The following KDM3B variants were observed in gnomAD, a reference collection of about 807,000 sequenced individuals.
The protein encoded by KDM3B is lysine demethylase 3B, also known as lysine-specific demethylase 3B.
In KDM3B, 10 loss-of-function variants were observed where a neutral mutation model predicts 170.0. The observed-to-expected ratio is 0.06, with a 90% CI of 0.04 to 0.10. The LOEUF (loss-of-function observed/expected upper bound fraction) is 0.10. Ranked by LOEUF, KDM3B falls within the 10% of genes least tolerant of loss-of-function variation. The pLI is 1.00. For missense variants in KDM3B, 1,394 were observed against 2,195.2 expected (o/e 0.64, Z 7.29); for synonymous variants, 831 against 834.8 (o/e 1.00, Z 0.08).
intron 16 of KDM3B, among the ~76,000 whole-genome samples, 157 bp downstream of exon 16, chr5:138,424,498 A>C (rs765973416): frequency 3.3e-5 from 5 of 152,200 alleles, no homozygotes; most frequent in Non-Finnish European, 7.3e-5. Context: ...TTTTAAAAGC[A>C]AGGAGATGGC....
intron 1 of KDM3B, among the ~76,000 whole-genome samples, chr5:138,353,500 C>T (rs1258519079): frequency 1.3e-5 from 2 of 152,178 alleles, no homozygotes; most frequent in African/African-American, 4.8e-5. Flanking sequence ...GCTTTTTTAT[C>T]TGGCAGTTAC....
intron 17 of KDM3B, among the ~76,000 whole-genome samples, chr5:138,426,131 A>T (rs1763384923): frequency 6.6e-6 from 1 of 152,234 alleles, no homozygotes; most frequent in South Asian, 2.1e-4. Flanking sequence ...TAATCATGTG[A>T]TTCCATGGGC....
intron 11 of KDM3B, 51 bp from the exon 12 acceptor site, chr5:138,415,081 G>A (rs747515874): frequency 7.9e-7 from 1 of 1,272,062 alleles, no homozygotes; most frequent in South Asian, 1.4e-5. Context: ...TCACTGAGAA[G>A]GATCCATTTT....
At chr5:138,360,409 C>A (rs1761565763) in intron 1 of KDM3B, among the ~76,000 whole-genome samples, 1 of 152,090 alleles carries the variant, frequency 6.6e-6, no homozygotes, top group South Asian at 2.1e-4. Context: ...TCTAAGCACA[C>A]TCATCATCTT....
At chr5:138,406,776 T>C (rs12514133) in intron 11 of KDM3B, among the ~76,000 whole-genome samples, 45,216 of 151,748 alleles carry the variant, frequency 0.3, 7,582 homozygotes, top group East Asian at 0.57. Flanking sequence ...ATGAGAGATG[T>C]AGGCACAGTG....
chr5:138,411,088 T>C (rs1762956205), intron 11 of KDM3B, among the ~76,000 whole-genome samples: 1 of 152,076 alleles, frequency 6.6e-6, no homozygotes, highest in Non-Finnish European at 1.5e-5. Context: ...GGAGACTCCC[T>C]TTCCTGGTCT....
chr5:138,380,392 CTT>C (rs987995432), intron 5 of KDM3B, among the ~76,000 whole-genome samples: 26 of 149,694 alleles, frequency 1.7e-4, no homozygotes, highest in African/African-American at 6.1e-4. Context: ...ATAAGTCACA[CTT>C]TAGTAACAAA....
intron 16 of KDM3B, 53 bp from the exon 17 acceptor site, chr5:138,425,358 G>A: frequency 1.9e-6 from 3 of 1,572,042 alleles, no homozygotes; most frequent in Non-Finnish European, 2.6e-6. Context: ...CTCAGCCCTA[G>A]AGCTGGAAGT....
Position 138,398,280 on chromosome 5 carries a change from A to T in KDM3B, c.2934A>T (p.Leu978=), listed in dbSNP as rs1374895515. ...AMNLWIPSSS[L]AEGIDLETSK... ...ACCTGTGGATTCCCTCTTCCTCCCTAGCAGAAGGGATAGATCTAGAGACCT... is the reference window on the plus strand; with the variant it reads ...ACCTGTGGATTCCCTCTTCCTCCCTTGCAGAAGGGATAGATCTAGAGACCT... Residue 978 remains leucine, a synonymous_variant, in exon 10 of 24, where the codon CTA becomes CTT. Transcript: ENST00000314358. 6.2e-7 allele frequency: 1 copy of T among 1,614,056 alleles called. No individual in the cohort carries two copies.
intron 1 of KDM3B, among the ~76,000 whole-genome samples, chr5:138,353,751 G>A (rs774186366): frequency 3.3e-5 from 5 of 152,144 alleles, no homozygotes; most frequent in Non-Finnish European, 7.3e-5. Context: ...CTTTGTGTTT[G>A]GGCTTGGCCC....
At chr5:138,401,832 T>G (rs1451015662) in intron 11 of KDM3B, among the ~76,000 whole-genome samples, 1 of 152,224 alleles carries the variant, frequency 6.6e-6, no homozygotes, top group Non-Finnish European at 1.5e-5. Context: ...TGACGTAGTA[T>G]CTGATTGTGT....
intron 17 of KDM3B, 110 bp from the exon 18 acceptor site, chr5:138,426,862 CAAA>C (rs60899302): frequency 0.019 from 10,028 of 537,528 alleles, 1 homozygote; most frequent in East Asian, 0.024. Context: ...GACTCTGTCT[CAAA>C]AAAAAAAAAA....
chr5:138,418,075 G>GTTTTTTTTTTTTTTTTT (rs34275336), intron 13 of KDM3B: 1 of 96,798 alleles, frequency 1.0e-5, no homozygotes, highest in Non-Finnish European at 2.0e-5. Flanking sequence ...TTTGGTTTTG[G>GTTTTTTTTTTTTTTTTT]TTTTTTTTTT....
At chr5:138,408,563 G>A (rs1045800188) in intron 11 of KDM3B, among the ~76,000 whole-genome samples, 2 of 152,036 alleles carry the variant, frequency 1.3e-5, no homozygotes, top group Admixed American at 6.6e-5. Flanking sequence ...TTACCAGCTC[G>A]TTTTATGAAG....
At chr5:138,430,750 C>T (rs958210394) in intron 22 of KDM3B, among the ~76,000 whole-genome samples, 4 of 152,160 alleles carry the variant, frequency 2.6e-5, no homozygotes, top group Middle Eastern at 3.4e-3. Context: ...ATTAGGCAGG[C>T]ATGGTGGCAC....
intron 1 of KDM3B, among the ~76,000 whole-genome samples, chr5:138,368,695 T>C (rs547136769): frequency 2.6e-4 from 40 of 152,362 alleles, no homozygotes; most frequent in African/African-American, 9.6e-4. Context: ...CATTCCATAT[T>C]GCTCTCAAAA....
intron 9 of KDM3B, 123 bp downstream of exon 9, chr5:138,393,495 T>G (rs1762483449): frequency 1.3e-6 from 1 of 769,244 alleles, no homozygotes; most frequent in South Asian, 1.8e-5. Flanking sequence ...ACTCCTTTGC[T>G]CTCAGCGTCT....
At chr5:138,374,635 T>G (rs1409233919) in intron 2 of KDM3B, among the ~76,000 whole-genome samples, 1 of 152,216 alleles carries the variant, frequency 6.6e-6, no homozygotes, top group East Asian at 1.9e-4. Flanking sequence ...TGAGGTCTCT[T>G]CATGACTTTT....
chr5:138,419,260 C>T (rs767742995), intron 14 of KDM3B, 28 bp downstream of exon 14: 2 of 1,588,300 alleles, frequency 1.3e-6, no homozygotes, highest in South Asian at 1.1e-5. Flanking sequence ...CTCTGCTCTG[C>T]CTATGGTAGA....
Sources: gnomAD v4.1 joint callset for allele counts (sites outside exome capture counted in the v4.1 genomes callset) on GRCh38, gnomAD v4.1.1 for gene constraint, MANE v1.5 for transcripts, NCBI Gene and HGNC (gene_info 2026-07-23, HGNC 2026-07-21) for gene names.